SCEL: variants seen among roughly 807,000 people sequenced by gnomAD.
The protein encoded by SCEL is sciellin.
Under a neutral mutation model 117.6 loss-of-function variants are expected in SCEL, and 113 were observed. That is an observed-to-expected ratio of 0.96 (90% CI 0.83 to 1.12). The LOEUF (loss-of-function observed/expected upper bound fraction) is 1.12, where lower values mean the gene tolerates loss of function less well. Among genes scored for constraint, SCEL ranks in the 50% most tolerant of loss-of-function variants. SCEL has a pLI of 0.00. For missense variants in SCEL, 785 were observed against 810.8 expected (o/e 0.97, Z 0.39); for synonymous variants, 270 against 256.2 (o/e 1.05, Z -0.51).
At chr13:77,576,494 C>T (rs1245739266) in intron 9 of SCEL, among the ~76,000 whole-genome samples, 2 of 152,218 alleles carry the variant, frequency 1.3e-5, no homozygotes, top group Non-Finnish European at 2.9e-5. Context: ...CAGCATCCAG[C>T]TCCAGGGTTT....
intron 22 of SCEL, among the ~76,000 whole-genome samples, chr13:77,612,001 T>A (rs182833273): frequency 1.2e-4 from 19 of 152,316 alleles, no homozygotes; most frequent in African/African-American, 3.6e-4. Flanking sequence ...GACATTCAAT[T>A]ATTTTTGACC....
chr13:77,601,890 T>C (rs1210114930), intron 15 of SCEL, among the ~76,000 whole-genome samples, 175 bp from the exon 16 acceptor site: 2 of 152,252 alleles, frequency 1.3e-5, no homozygotes, highest in Non-Finnish European at 2.9e-5. Flanking sequence ...GCATGATGGA[T>C]AGAGCCACCT....
chr13:77,582,102 C>T (rs2086293564), intron 9 of SCEL, among the ~76,000 whole-genome samples: 1 of 152,120 alleles, frequency 6.6e-6, no homozygotes, highest in Admixed American at 6.5e-5. Context: ...TTTGTCCTCT[C>T]ATCTCTCTGT....
intron 27 of SCEL, among the ~76,000 whole-genome samples, chr13:77,623,150 G>A (rs2089517314): frequency 6.6e-6 from 1 of 152,116 alleles, no homozygotes; most frequent in African/African-American, 2.4e-5. Flanking sequence ...AAGTCATTAT[G>A]CAATTGATGT....
intron 27 of SCEL, among the ~76,000 whole-genome samples, chr13:77,625,185 G>A (rs1391833170): frequency 6.6e-6 from 1 of 152,102 alleles, no homozygotes; most frequent in Admixed American, 6.5e-5. Flanking sequence ...ATTGGATCAT[G>A]GAATACCATG....
At chr13:77,614,024 G>T in intron 24 of SCEL, 69 bp downstream of exon 24, 2 of 1,253,344 alleles carry the variant, frequency 1.6e-6, no homozygotes, top group South Asian at 1.2e-5. Flanking sequence ...AAATGATTTA[G>T]AATTATTCTA....
At chr13:77,574,844 C>T (rs1456729869) in intron 9 of SCEL, among the ~76,000 whole-genome samples, 1 of 152,156 alleles carries the variant, frequency 6.6e-6, no homozygotes, top group African/African-American at 2.4e-5. Flanking sequence ...TTCACTAATA[C>T]ACTGGTATTC....
intron 1 of SCEL, among the ~76,000 whole-genome samples, chr13:77,539,063 T>G: frequency 6.6e-6 from 1 of 152,192 alleles, no homozygotes. Context: ...TTAGAGATGC[T>G]GTGTGTAAAA....
rs112097502 is a variant in SCEL, at chr13:77,602,051, C to T, written c.918-14C>T. 2.9e-5 allele frequency: 46 copies of T among 1,599,314 alleles called. 1 individual carries two copies. The African/African-American group carries it at 3.5e-4, about 12-fold the overall frequency. On this transcript the variant is annotated splice_polypyrimidine_tract_variant and intron_variant, in intron 15 of 32. Coordinates refer to ENST00000349847, the MANE Select transcript of SCEL (RefSeq NM_144777.3). Reference sequence around the variant, plus strand: ...ACTCTCTCTTTCTCTTTCTTTTCCCCCAATGTTGTAAAGAATCCAAAGCCT... The same window carrying T: ...ACTCTCTCTTTCTCTTTCTTTTCCCTCAATGTTGTAAAGAATCCAAAGCCT...
In SCEL at chr13:77,634,386, A is replaced by T; in HGVS notation, c.1699A>T (p.Thr567Ser). The T allele has an allele frequency of 6.2e-7, 1 of 1,613,240 alleles. No homozygotes were observed. The highest frequency in any genetic ancestry group is 1.7e-4 in the Middle Eastern group (1 of 6,056). Residue 567 changes from threonine to serine, a missense_variant, in exon 29 of 33, where the codon ACT becomes TCT. Transcript: ENST00000349847. ...VSENKNGSSN[T>S]GAKQAGPQDT... The stretch of plus-strand genomic sequence containing the variant: ...AAATGATTTGTTTTGCAGCTCTAAC[A>T]CTGGAGCCAAGCAGGCAGGACCACA...
chr13:77,600,063 G>C (rs1456528907), intron 15 of SCEL: 1 of 301,932 alleles, frequency 3.3e-6, no homozygotes, highest in Middle Eastern at 1.0e-3. Context: ...AAGTAGTGGA[G>C]AATAGGTTGG....
At chr13:77,610,957 G>C (rs1034021585) in intron 22 of SCEL, among the ~76,000 whole-genome samples, 8 of 152,138 alleles carry the variant, frequency 5.3e-5, no homozygotes, top group Middle Eastern at 3.2e-3. Flanking sequence ...GCTTGTAAAT[G>C]TATATTGTTA....
Position 77,634,382 on chromosome 13 carries a change from T to C in SCEL, c.1695T>C (p.Ser565=), listed in dbSNP as rs773710399. The C allele has an allele frequency of 1.5e-5, 25 of 1,612,918 alleles. No individual in the cohort carries two copies. Among genetic ancestry groups the C allele is most frequent in the Middle Eastern group, 1.6e-4 (1 of 6,078 alleles). The change falls in exon 29 of 33, where the codon TCT becomes TCC. Residue 565 remains serine (S), a synonymous_variant. Coordinates refer to ENST00000349847, the MANE Select transcript of SCEL (RefSeq NM_144777.3). ...SHVSENKNGS[S]NTGAKQAGPQ... ...AGTAAAATGATTTGTTTTGCAGCTC[T>C]AACACTGGAGCCAAGCAGGCAGGAC...
At chr13:77,613,199 G>A (rs1378963360) in intron 23 of SCEL, among the ~76,000 whole-genome samples, 2 of 151,862 alleles carry the variant, frequency 1.3e-5, no homozygotes, top group African/African-American at 4.8e-5. Context: ...CACAGTAACA[G>A]CATAACTAGA....
At chr13:77,613,681 T>C (rs1056635358) in intron 23 of SCEL, among the ~76,000 whole-genome samples, 1 of 152,036 alleles carries the variant, frequency 6.6e-6, no homozygotes, top group Non-Finnish European at 1.5e-5. Context: ...TATCTTTGTT[T>C]ATAAAGGCTG....
intron 20 of SCEL, among the ~76,000 whole-genome samples, chr13:77,608,760 C>G (rs980045780): frequency 6.6e-6 from 1 of 151,888 alleles, no homozygotes; most frequent in Non-Finnish European, 1.5e-5. Flanking sequence ...CTTAGGGGAA[C>G]CAGGTGAGAA....
At chr13:77,632,009 C>T (rs766337591) in intron 28 of SCEL, among the ~76,000 whole-genome samples, 1 of 152,220 alleles carries the variant, frequency 6.6e-6, no homozygotes, top group Non-Finnish European at 1.5e-5. Context: ...ATGGCCTTTC[C>T]TCTGTACACA....
At chr13:77,587,110 C>T (rs2086608753) in intron 9 of SCEL, among the ~76,000 whole-genome samples, 1 of 151,964 alleles carries the variant, frequency 6.6e-6, no homozygotes, top group Non-Finnish European at 1.5e-5. Context: ...CTAATCCCTA[C>T]TCAACCTCCT....
intron 19 of SCEL, chr13:77,606,356 A>T (rs1440298532): frequency 2.0e-5 from 3 of 152,228 alleles, no homozygotes; most frequent in African/African-American, 4.8e-5. Flanking sequence ...TCTATGAACT[A>T]TGAGATTTAA....
Sources: gnomAD v4.1 joint callset for allele counts (sites outside exome capture counted in the v4.1 genomes callset) on GRCh38, gnomAD v4.1.1 for gene constraint, MANE v1.5 for transcripts, NCBI Gene and HGNC (gene_info 2026-07-23, HGNC 2026-07-21) for gene names.